The following FCHSD2 variants were observed in gnomAD, a reference collection of about 807,000 sequenced individuals.
The protein encoded by FCHSD2 is F-BAR and double SH3 domains protein 2.
FCHSD2 carries 38 observed loss-of-function variants against 108.1 expected under a neutral mutation model. That is an observed-to-expected ratio of 0.35 (90% CI 0.27 to 0.46). FCHSD2 has a LOEUF of 0.46. FCHSD2 is among the 20% of genes least tolerant of loss of function. The pLI is 1.00. For synonymous variants in FCHSD2, 279 were observed against 314.7 expected (o/e 0.89, Z 1.20); for missense variants, 751 against 897.8 (o/e 0.84, Z 2.09).
intron 10 of FCHSD2, chr11:72,900,304 C>T (rs1261410592): frequency 7.3e-7 from 1 of 1,376,544 alleles, no homozygotes; most frequent in East Asian, 3.8e-5. Flanking sequence ...AGCTCAATAT[C>T]CACCAGTTGG....
At chr11:72,853,952 A>G (rs1198578509) in intron 13 of FCHSD2, among the ~76,000 whole-genome samples, 1 of 152,266 alleles carries the variant, frequency 6.6e-6, no homozygotes, top group African/African-American at 2.4e-5. Flanking sequence ...TAAATAGCCA[A>G]TAACCACATG....
chr11:73,104,363 T>C (rs1860291747), intron 2 of FCHSD2, among the ~76,000 whole-genome samples: 1 of 151,956 alleles, frequency 6.6e-6, no homozygotes, highest in Non-Finnish European at 1.5e-5. Context: ...GCCTCCCAGG[T>C]TCAAGCACTT....
chr11:73,104,715 C>T (rs578135426), intron 2 of FCHSD2, among the ~76,000 whole-genome samples: 1 of 152,010 alleles, frequency 6.6e-6, no homozygotes, highest in African/African-American at 2.4e-5. Flanking sequence ...ACCACAGGCA[C>T]GTGCCACCGC....
At chr11:73,101,134 T>C (rs746925121) in intron 2 of FCHSD2, among the ~76,000 whole-genome samples, 12 of 152,282 alleles carry the variant, frequency 7.9e-5, no homozygotes, top group Middle Eastern at 3.4e-3. Context: ...TCTGAGATAA[T>C]TGGGGTTTCA....
chr11:73,000,654 T>C (rs570441726), intron 5 of FCHSD2, among the ~76,000 whole-genome samples: 4 of 152,318 alleles, frequency 2.6e-5, no homozygotes, highest in South Asian at 4.1e-4. Flanking sequence ...ACTAGTGGGA[T>C]TAATAACCTT....
intron 2 of FCHSD2, among the ~76,000 whole-genome samples, chr11:73,094,238 T>A (rs1467947931): frequency 6.6e-6 from 1 of 151,708 alleles, no homozygotes; most frequent in Non-Finnish European, 1.5e-5. Context: ...AGAATAAAGA[T>A]AAACAAATCT....
At chr11:73,082,918 A>C (rs1013480778) in intron 3 of FCHSD2, among the ~76,000 whole-genome samples, 1 of 152,168 alleles carries the variant, frequency 6.6e-6, no homozygotes, top group Non-Finnish European at 1.5e-5. Context: ...TTTTCTTGTC[A>C]CATTTTGTAA....
intron 9 of FCHSD2, among the ~76,000 whole-genome samples, chr11:72,917,439 G>A (rs1467697460): frequency 1.3e-5 from 2 of 152,056 alleles, no homozygotes; most frequent in African/African-American, 2.4e-5. Flanking sequence ...CTGTTTCATT[G>A]GTCTATATGT....
chr11:73,054,899 G>A (rs1858987271), intron 3 of FCHSD2, among the ~76,000 whole-genome samples: 1 of 152,144 alleles, frequency 6.6e-6, no homozygotes, highest in African/African-American at 2.4e-5. Context: ...AGACCAAGAG[G>A]TTGAAGCTCC....
At chr11:72,841,401 G>A in intron 18 of FCHSD2, 53 bp downstream of exon 18, 1 of 1,324,386 alleles carries the variant, frequency 7.6e-7, no homozygotes, top group Non-Finnish European at 1.0e-6. Context: ...AGGCGAATAT[G>A]TAGGTTTCTG....
chr11:72,897,135 C>G (rs1036715307), intron 10 of FCHSD2, among the ~76,000 whole-genome samples: 34 of 152,016 alleles, frequency 2.2e-4, no homozygotes, highest in African/African-American at 7.7e-4. Context: ...GCCCGGCCGT[C>G]CTGTGGAAAG....
At chr11:73,114,565 G>A (rs572546206) in intron 2 of FCHSD2, among the ~76,000 whole-genome samples, 2 of 152,212 alleles carry the variant, frequency 1.3e-5, no homozygotes, top group East Asian at 3.9e-4. Context: ...GCACATCACA[G>A]AAGCTCACCC....
chr11:73,033,207 A>C (rs1858406491), intron 3 of FCHSD2, among the ~76,000 whole-genome samples: 1 of 151,566 alleles, frequency 6.6e-6, no homozygotes. Context: ...AGAATGGCAT[A>C]AACCCGGGAG....
Position 73,077,097 on chromosome 11 carries a change from C to CAA in FCHSD2, c.165+6596_165+6597dup, listed in dbSNP as rs372641793. ...TGCACTCCAGCCTGAGACTCTGTCTCAAAAAAAAAAAAAAAAGAAAAAGAA... is the reference window on the plus strand; with the variant it reads ...TGCACTCCAGCCTGAGACTCTGTCTCAAAAAAAAAAAAAAAAAAGAAAAAGAA... On this transcript the variant is annotated intron_variant, in intron 3 of 19. Transcript: ENST00000409418. 1.7e-3 allele frequency among the ~76,000 whole-genome samples: 125 copies of CAA among 72,260 alleles called. 2 individuals are homozygous for CAA. Among genetic ancestry groups the CAA allele is most frequent in the Middle Eastern group, 7.1e-3 (1 of 140 alleles). The allele number at this position is 72,260 out of a possible 152,430, so 47.4% of individuals were successfully genotyped here.
chr11:72,909,478 G>A (rs544555948), intron 9 of FCHSD2, among the ~76,000 whole-genome samples: 11 of 151,868 alleles, frequency 7.2e-5, no homozygotes, highest in Non-Finnish European at 1.0e-4. Context: ...AGTGAGGAGC[G>A]TCTCTGCCTG....
chr11:73,032,278 G>T (rs1367820107), intron 3 of FCHSD2, among the ~76,000 whole-genome samples: 1 of 152,108 alleles, frequency 6.6e-6, no homozygotes, highest in Non-Finnish European at 1.5e-5. Context: ...GCCCGGGCTG[G>T]AGTACAACAG....
rs1041526056 is a variant in FCHSD2 at position 72,989,114 on chromosome 11, T to C, written c.388-17A>G. The C allele has an allele frequency of 6.3e-7, 1 of 1,590,328 alleles. No homozygotes were observed. The highest frequency in any genetic ancestry group is 1.3e-5 in the African/African-American group (1 of 74,368). On this transcript the variant is annotated splice_polypyrimidine_tract_variant and intron_variant, in intron 5 of 19. Transcript: ENST00000409418. Reference sequence around the variant, plus strand: ...GTCCACACACTGTAAAATACAAAAGTACAATCATTATGATTTTAGTTTTCA... The same window carrying C: ...GTCCACACACTGTAAAATACAAAAGCACAATCATTATGATTTTAGTTTTCA...
intron 4 of FCHSD2, among the ~76,000 whole-genome samples, chr11:73,004,930 C>G (rs1388847483): frequency 3.3e-5 from 5 of 152,182 alleles, no homozygotes; most frequent in African/African-American, 1.2e-4. Context: ...AAGGCAATGT[C>G]CACATGTTCC....
chr11:73,071,534 A>T (rs1859435106), intron 3 of FCHSD2, among the ~76,000 whole-genome samples: 1 of 145,360 alleles, frequency 6.9e-6, no homozygotes, highest in African/African-American at 2.6e-5. Context: ...TACTAAAAAT[A>T]CAAAAAAAAA....
Sources: allele counts gnomAD v4.1 joint callset (sites outside exome capture counted in the v4.1 genomes callset), GRCh38; gene constraint gnomAD v4.1.1; transcripts MANE v1.5; gene names NCBI Gene and HGNC (gene_info 2026-07-23, HGNC 2026-07-21).